The following TXNDC5 variants were observed in gnomAD, a reference collection of about 807,000 sequenced individuals.
TXNDC5 encodes thioredoxin domain-containing protein 5.
TXNDC5 carries 44 observed loss-of-function variants against 52.6 expected under a neutral mutation model. The ratio of observed to expected loss-of-function variants is 0.84; its 90% CI spans 0.66 to 1.08. TXNDC5 has a LOEUF of 1.08. Among genes scored for constraint, TXNDC5 ranks in the 50% least tolerant of loss-of-function variants. The probability of loss-of-function intolerance (pLI) is 0.00; values close to 1 mark genes in which losing one functional copy is unlikely to be tolerated. For synonymous variants in TXNDC5, 241 were observed against 234.4 expected (o/e 1.03, Z -0.26); for missense variants, 600 against 565.5 (o/e 1.06, Z -0.62).
At chr6:7,894,703 C>G (rs1026997507) in intron 4 of TXNDC5, 1 of 984,834 alleles carries the variant, frequency 1.0e-6, no homozygotes, top group South Asian at 4.7e-5. Flanking sequence ...AAAGTAAGCA[C>G]AAGCTGCTGG....
At chr6:7,902,770 A>C (rs1581326950) in intron 2 of TXNDC5, among the ~76,000 whole-genome samples, 1 of 152,120 alleles carries the variant, frequency 6.6e-6, no homozygotes. Flanking sequence ...ATAACACAAA[A>C]CCAGCCATGG....
Position 7,893,490 on chromosome 6 carries a change from G to A in TXNDC5, c.616+1616C>T, listed in dbSNP as rs575101330. Among the ~76,000 whole-genome samples, 4 of 152,312 alleles carry A rather than the reference G, an allele frequency of 2.6e-5. No individual in the cohort carries two copies. In the South Asian group the frequency reaches 6.2e-4, roughly 24 times the overall value. ...CAGGAAGCCACCATGGTACCTACACGACACAGCTGTGTGGCAGTGACCCAC... is the reference window on the plus strand; with the variant it reads ...CAGGAAGCCACCATGGTACCTACACAACACAGCTGTGTGGCAGTGACCCAC... On this transcript the variant is annotated intron_variant, in intron 4 of 9. Transcript: ENST00000379757.
At chr6:7,885,564 C>T (rs11758961) in intron 8 of TXNDC5, among the ~76,000 whole-genome samples, 2 of 152,128 alleles carry the variant, frequency 1.3e-5, no homozygotes, top group African/African-American at 2.4e-5. Context: ...TTAAAAGAAC[C>T]GAGGAGCAAA....
At chr6:7,909,225 A>G (rs1760830574) in intron 1 of TXNDC5, among the ~76,000 whole-genome samples, 1 of 152,202 alleles carries the variant, frequency 6.6e-6, no homozygotes, top group Admixed American at 6.5e-5. Context: ...CATTTTTCTT[A>G]GGGTACCTTT....
At chr6:7,907,386 C>A (rs749070891) in intron 1 of TXNDC5, among the ~76,000 whole-genome samples, 11 of 152,086 alleles carry the variant, frequency 7.2e-5, no homozygotes, top group Non-Finnish European at 8.8e-5. Context: ...TAGCCTGTGG[C>A]CAAGAAGTAG....
intron 2 of TXNDC5, chr6:7,899,929 G>A (rs922459361): frequency 1.8e-5 from 6 of 332,500 alleles, no homozygotes; most frequent in African/African-American, 6.5e-5. Flanking sequence ...CTTCCAGCCC[G>A]CTGCTGTGAC....
At chr6:7,895,823 G>A (rs554352585) in intron 3 of TXNDC5, among the ~76,000 whole-genome samples, 21 of 151,974 alleles carry the variant, frequency 1.4e-4, no homozygotes, top group Non-Finnish European at 2.6e-4. Context: ...AGACCCCATC[G>A]CTACAAAAAA....
chr6:7,895,494 CA>C (rs1336611953), intron 3 of TXNDC5, among the ~76,000 whole-genome samples: 1 of 152,228 alleles, frequency 6.6e-6, no homozygotes, highest in African/African-American at 2.4e-5. Flanking sequence ...AAAACCCAAC[CA>C]AACAAAGCAG....
chr6:7,906,718 G>A (rs898456879), intron 1 of TXNDC5, among the ~76,000 whole-genome samples: 4 of 151,506 alleles, frequency 2.6e-5, no homozygotes, highest in South Asian at 2.1e-4. Context: ...TTTAACTTCT[G>A]TAGATTCAAC....
At chr6:7,893,668 G>A (rs574611848) in intron 4 of TXNDC5, among the ~76,000 whole-genome samples, 4 of 152,346 alleles carry the variant, frequency 2.6e-5, no homozygotes, top group South Asian at 2.1e-4. Flanking sequence ...GAGTTCTGCC[G>A]TCAGGGCGCT....
At chr6:7,904,111 T>C (rs1388734601) in intron 2 of TXNDC5, among the ~76,000 whole-genome samples, 1 of 152,242 alleles carries the variant, frequency 6.6e-6, no homozygotes, top group Non-Finnish European at 1.5e-5. Context: ...AATTTCTATT[T>C]CTTATAACCA....
rs761302593 is a variant in TXNDC5 at position 7,895,199 on chromosome 6, G to T, written c.523C>A (p.Pro175Thr). The change falls in exon 4 of 10, where the codon CCA becomes ACA. Residue 175 changes from proline to threonine, a missense_variant. Transcript: ENST00000379757. The stretch of plus-strand genomic sequence containing the variant: ...CTGGGCGGTTCCACTTCCGGCTCTG[G>T]TGTCTAACAGGAGGAAATAAAACAG... ...LQTLNEEPVT[P>T]EPEVEPPSAP... is the part of the protein sequence containing the mutation. The T allele has an allele frequency of 6.2e-7, 1 of 1,612,008 alleles. No individual in the cohort carries two copies. Among genetic ancestry groups the T allele is most frequent in the East Asian group, 2.2e-5 (1 of 44,834 alleles).
At chr6:7,888,401 AAATG>A (rs1210561693) in intron 7 of TXNDC5, among the ~76,000 whole-genome samples, 4 of 152,204 alleles carry the variant, frequency 2.6e-5, no homozygotes, top group African/African-American at 9.7e-5. Context: ...TCATTCTTTA[AAATG>A]AATGAAGCGG....
chr6:7,898,482 G>A (rs1760450124), intron 3 of TXNDC5, among the ~76,000 whole-genome samples: 1 of 152,238 alleles, frequency 6.6e-6, no homozygotes, highest in Admixed American at 6.5e-5. Flanking sequence ...ACTGGCAACA[G>A]TAAGCGGCAA....
intron 5 of TXNDC5, among the ~76,000 whole-genome samples, chr6:7,891,050 G>A (rs571939965): frequency 6.6e-6 from 1 of 152,328 alleles, no homozygotes; most frequent in East Asian, 1.9e-4. Context: ...CATGGTGTCT[G>A]GTGGGTGCTG....
intron 2 of TXNDC5, among the ~76,000 whole-genome samples, chr6:7,900,505 C>T (rs1760527707): frequency 6.6e-6 from 1 of 152,192 alleles, no homozygotes; most frequent in African/African-American, 2.4e-5. Flanking sequence ...ACACCCCTGC[C>T]ACTTCTACAG....
chr6:7,905,998 G>A (rs964197987), intron 1 of TXNDC5, among the ~76,000 whole-genome samples: 1 of 152,178 alleles, frequency 6.6e-6, no homozygotes, highest in Non-Finnish European at 1.5e-5. Context: ...CCAGCACTTT[G>A]GGAGGCCAAG....
intron 7 of TXNDC5, among the ~76,000 whole-genome samples, chr6:7,886,937 G>C (rs1760002745): frequency 6.6e-6 from 1 of 152,140 alleles, no homozygotes; most frequent in Non-Finnish European, 1.5e-5. Flanking sequence ...CCACTTCATG[G>C]TGGAAAACTG....
intron 1 of TXNDC5, among the ~76,000 whole-genome samples, chr6:7,906,139 G>C (rs111488811): frequency 1.6e-4 from 24 of 148,246 alleles, no homozygotes; most frequent in African/African-American, 5.3e-4. Context: ...TACCTGGGAG[G>C]CTGAGGCAGA....
Sources: allele counts gnomAD v4.1 joint callset (sites outside exome capture counted in the v4.1 genomes callset), GRCh38; gene constraint gnomAD v4.1.1; transcripts MANE v1.5; gene names NCBI Gene and HGNC (gene_info 2026-07-23, HGNC 2026-07-21).